Variants in CLCC1 observed in about 807,000 individuals in gnomAD.
The protein encoded by CLCC1 is chloride channel CLIC like 1.
CLCC1 carries 39 observed loss-of-function variants against 63.3 expected under a neutral mutation model. That is an observed-to-expected ratio of 0.62 (90% CI 0.48 to 0.81). CLCC1 has a LOEUF of 0.81. Among genes scored for constraint, CLCC1 ranks in the 30% least tolerant of loss-of-function variants. The pLI is 0.00. For missense variants in CLCC1, 549 were observed against 669.4 expected, an observed-to-expected ratio of 0.82 and a Z score of 1.98; for synonymous variants, 217 against 239.8, an observed-to-expected ratio of 0.90 and a Z score of 0.88.
At chr1:108,959,809 A>G (rs963533163) in intron 2 of CLCC1, among the ~76,000 whole-genome samples, 1 of 152,200 alleles carries the variant, frequency 6.6e-6, no homozygotes, top group African/African-American at 2.4e-5. Flanking sequence ...TGCCTGAACA[A>G]CCAAAGCTCT....
intron 2 of CLCC1, among the ~76,000 whole-genome samples, chr1:108,951,388 AAAC>A (rs1006390799): frequency 5.3e-5 from 8 of 152,204 alleles, no homozygotes; most frequent in African/African-American, 1.4e-4. Context: ...ATCACAGAAA[AAAC>A]AACAACAACA....
chr1:108,963,451 A>T lies in CLCC1; in HGVS notation c.-263T>A. ...ACAGCTTGCCGCCGCCCAGGGTTTC[A>T]GCGTGCTTCCTGGGCCTCGTCATCG... On this transcript the variant is annotated 5_prime_UTR_variant, in exon 1 of 13. Transcript: ENST00000369969. 1.4e-6 allele frequency: 1 copy of T among 702,274 alleles called. No individual in the cohort carries two copies. The allele number at this position is 702,274 out of a possible 1,614,324, so 43.5% of individuals were successfully genotyped here.
intron 11 of CLCC1, among the ~76,000 whole-genome samples, chr1:108,935,470 C>A (rs1472803766): frequency 6.6e-6 from 1 of 152,022 alleles, no homozygotes. Flanking sequence ...TTAGGGTGGT[C>A]TGAAAAAGTG....
chr1:108,952,307 T>A (rs1475013236), intron 2 of CLCC1, among the ~76,000 whole-genome samples: 3 of 152,146 alleles, frequency 2.0e-5, no homozygotes, highest in African/African-American at 7.2e-5. Context: ...GCCTCCCAAG[T>A]GGCTGGAATT....
intron 10 of CLCC1, among the ~76,000 whole-genome samples, chr1:108,937,989 C>T (rs1419065046): frequency 6.6e-6 from 1 of 152,100 alleles, no homozygotes; most frequent in Non-Finnish European, 1.5e-5. Context: ...TTTCATAATA[C>T]AAAGACATTA....
intron 5 of CLCC1, among the ~76,000 whole-genome samples, chr1:108,947,039 C>CT (rs1654626802): frequency 6.6e-6 from 1 of 152,036 alleles, no homozygotes; most frequent in Non-Finnish European, 1.5e-5. Flanking sequence ...TGGCAGGTGC[C>CT]TGTAATCCAG....
chr1:108,954,010 C>CA (rs11463360), intron 2 of CLCC1, among the ~76,000 whole-genome samples: 51,744 of 97,836 alleles, frequency 0.53, 12,896 homozygotes, highest in African/African-American at 0.64. Context: ...AACTCCGTCT[C>CA]AAAAAAAAAA....
rs1655803861 is a variant in CLCC1, at chr1:108,955,750, T to C, written c.-11-5302A>G. 2.0e-5 allele frequency among the ~76,000 whole-genome samples: 3 copies of C among 151,422 alleles called. 1 individual carries two copies. The highest frequency in any genetic ancestry group is 7.4e-5 in the African/African-American group (3 of 40,706). ...AAAAAGAGAAAAGGAATTTCTTTTC[T>C]CTCCTGGAGCAGGGACACCCTTCTT... On this transcript the variant is annotated intron_variant, in intron 2 of 12. Coordinates refer to ENST00000369969, the MANE Select transcript of CLCC1 (RefSeq NM_001377458.1).
chr1:108,937,161 C>T lies in CLCC1; in HGVS notation c.1299G>A (p.Gln433=). 2.5e-6 allele frequency: 4 copies of T among 1,579,370 alleles called. No individual in the cohort carries two copies. Among genetic ancestry groups the T allele is most frequent in the Non-Finnish European group, 3.4e-6 (4 of 1,163,700 alleles). ...GCACTTCAGGGCTCTTGTTGCCAGT[C>T]TGAAATCTCAAGTCAACATCTCTCT... is the stretch of plus-strand genomic sequence containing the variant. ...LRERDVDLRF[Q]TGNKSPEVLR... is the part of the protein sequence containing the mutation. The change falls in exon 11 of 13, where the codon CAG becomes CAA. Residue 433 remains glutamine (Q), a synonymous_variant. Transcript: ENST00000369969.
At position 108,930,325 on chromosome 1, in the gene CLCC1, G is replaced by A. The variant is rs1651715308; in HGVS notation, c.*2222C>T. On this transcript the variant is annotated 3_prime_UTR_variant, in exon 13 of 13. Coordinates refer to ENST00000369969, the MANE Select transcript of CLCC1 (RefSeq NM_001377458.1). The stretch of plus-strand genomic sequence containing the variant: ...TTTTTTATACATAACCATGGATGTA[G>A]TGGGAAACAATGTTGTTTGGTAAAA... The A allele has an allele frequency of 5.9e-6, 1 of 170,822 alleles. No homozygotes were observed. The highest frequency in any genetic ancestry group is 2.4e-5 in the African/African-American group (1 of 41,838). 10.6% of individuals were successfully genotyped at this position (170,822 alleles called of 1,614,324 possible).
chr1:108,939,702 T>C lies in CLCC1; in HGVS notation c.975A>G (p.Ala325=), dbSNP rs757121114. ...GCAGCGCTGGAATTTCCTTCATGAG[T>C]GCTTTAATAAATTCCCCAGTTCCTT... is the stretch of plus-strand genomic sequence containing the variant. ...IGKGTGEFIK[A]LMKEIPALLH... Residue 325 remains alanine, a synonymous_variant, in exon 10 of 13, where the codon GCA becomes GCG. Coordinates refer to ENST00000369969, the MANE Select transcript of CLCC1 (RefSeq NM_001377458.1). The C allele has an allele frequency of 1.9e-6, 3 of 1,614,090 alleles. No homozygotes were observed. In the East Asian group the frequency reaches 6.7e-5, roughly 36 times the overall value.
intron 7 of CLCC1, among the ~76,000 whole-genome samples, chr1:108,943,082 G>C (rs546919885): frequency 1.3e-5 from 2 of 152,096 alleles, no homozygotes; most frequent in Admixed American, 6.5e-5. Context: ...GCTAATTTTT[G>C]TATTTTTAGT....
At chr1:108,950,626 G>GTCCT (rs1655067405) in intron 2 of CLCC1, among the ~76,000 whole-genome samples, 178 bp from the exon 3 acceptor site, 1 of 151,840 alleles carries the variant, frequency 6.6e-6, no homozygotes, top group South Asian at 2.1e-4. Context: ...GGCTCAAGAG[G>GTCCT]TCCTCCTGGC....
Position 108,937,437 on chromosome 1 carries a change from C to A in CLCC1, c.1042-19G>T. ...AGAAACTCTGTAAGGAAAAGAAATA[C>A]ATTTTCCTGAGGACTCAATGGCTAA... On this transcript the variant is annotated intron_variant, in intron 10 of 12. Transcript: ENST00000369969. The A allele has an allele frequency of 6.5e-7, 1 of 1,537,774 alleles. No homozygotes were observed. The highest frequency in any genetic ancestry group is 8.8e-7 in the Non-Finnish European group (1 of 1,139,856).
At chr1:108,933,476 C>T (rs950249782) in intron 12 of CLCC1, 2 of 151,788 alleles carry the variant, frequency 1.3e-5, no homozygotes, top group African/African-American at 4.8e-5. Flanking sequence ...GTAAGTAACA[C>T]TTCCTGGATC....
intron 2 of CLCC1, among the ~76,000 whole-genome samples, chr1:108,958,622 G>A (rs1656227019): frequency 6.6e-6 from 1 of 151,432 alleles, no homozygotes; most frequent in African/African-American, 2.4e-5. Flanking sequence ...GCTCATGCCT[G>A]TAATCCCAGC....
In CLCC1 at chr1:108,929,613, C is replaced by A. The variant is rs1026921995; in HGVS notation, c.*2934G>T. 1.6e-6 allele frequency: 2 copies of A among 1,217,582 alleles called. No individual in the cohort carries two copies. Among genetic ancestry groups the A allele is most frequent in the Non-Finnish European group, 1.2e-6 (1 of 824,588 alleles). 75.4% of individuals were successfully genotyped at this position (1,217,582 alleles called of 1,614,324 possible). On this transcript the variant is annotated 3_prime_UTR_variant, in exon 13 of 13. Coordinates refer to ENST00000369969, the MANE Select transcript of CLCC1 (RefSeq NM_001377458.1). Reference sequence around the variant, plus strand: ...AGCCCCAAATAAAAGTTTACAACTGCGTTTTCTTGTTGTGACTGAGAGATT... The same window carrying A: ...AGCCCCAAATAAAAGTTTACAACTGAGTTTTCTTGTTGTGACTGAGAGATT...
Position 108,934,828 on chromosome 1 carries a change from G to C in CLCC1, c.1498C>G (p.Gln500Glu). ...CCTTCTGTATTCCCTGATGTGTCTT[G>C]GCCAGAGACAGGCTTGGCCGACTGG... ...SSQSAKPVSG[Q>E]DTSGNTEGSP... The change falls in exon 12 of 13, where the codon CAA (glutamine) becomes GAA (glutamate). Residue 500 changes from glutamine to glutamate, a missense_variant. Gln to Glu is a conservative substitution (Grantham distance 29, BLOSUM62 2). Transcript: ENST00000369969. The C allele has an allele frequency of 6.2e-7, 1 of 1,614,160 alleles. No individual in the cohort carries two copies. The highest frequency in any genetic ancestry group is 1.1e-5 in the South Asian group (1 of 91,088).
chr1:108,958,842 T>C (rs1206786787), intron 2 of CLCC1, among the ~76,000 whole-genome samples: 2 of 148,528 alleles, frequency 1.3e-5, no homozygotes, highest in African/African-American at 5.1e-5. Flanking sequence ...ATTACACCAC[T>C]GCACTCTAGC....
Sources: allele counts gnomAD v4.1 joint callset (sites outside exome capture counted in the v4.1 genomes callset), GRCh38; gene constraint gnomAD v4.1.1; transcripts MANE v1.5; gene names NCBI Gene and HGNC (gene_info 2026-07-23, HGNC 2026-07-21).